The following ASCC1 variants were observed in gnomAD, a reference collection of about 807,000 sequenced individuals.
The protein encoded by ASCC1 is ASC-1 complex subunit P50.
ASCC1 carries 35 observed loss-of-function variants against 46.6 expected under a neutral mutation model. The observed-to-expected ratio is 0.75, with a 90% CI of 0.57 to 0.99. The LOEUF (loss-of-function observed/expected upper bound fraction) is 0.99. Ranked by LOEUF, ASCC1 falls within the 50% of genes least tolerant of loss-of-function variation. The probability of loss-of-function intolerance (pLI) is 0.00; values close to 1 mark genes in which losing one functional copy is unlikely to be tolerated. For synonymous variants in ASCC1, 143 were observed against 146.6 expected (o/e 0.98, Z 0.18); for missense variants, 376 against 428.7 (o/e 0.88, Z 1.09).
intron 5 of ASCC1, among the ~76,000 whole-genome samples, chr10:72,176,691 A>C (rs1851896105): frequency 1.3e-5 from 2 of 152,092 alleles, no homozygotes; most frequent in Non-Finnish European, 2.9e-5. Context: ...CAAAATCCTT[A>C]ACCCACACAA....
intron 5 of ASCC1, among the ~76,000 whole-genome samples, chr10:72,184,495 AAAG>A (rs1263782692): frequency 4.6e-5 from 7 of 152,192 alleles, no homozygotes; most frequent in East Asian, 1.9e-4. Flanking sequence ...ACACTAATCA[AAAG>A]AAGGTTAGAA....
rs570697074 is a variant in ASCC1, at chr10:72,189,305, G to A, written c.489+7506C>T. 7.7e-4 allele frequency among the ~76,000 whole-genome samples: 117 copies of A among 152,078 alleles called. 1 individual carries two copies. The highest frequency in any genetic ancestry group is 1.4e-3 in the Non-Finnish European group (93 of 67,970). On this transcript the variant is annotated intron_variant, in intron 5 of 9. Coordinates refer to ENST00000672957, the MANE Select transcript of ASCC1 (RefSeq NM_001198800.3). ...CGCCTGTGGTCCCAGCTACTCGGGA[G>A]GCTGAGGCAGGAGAATGGCGCAAAC...
At chr10:72,174,625 T>A (rs147485328) in intron 5 of ASCC1, among the ~76,000 whole-genome samples, 109 of 152,320 alleles carry the variant, frequency 7.2e-4, no homozygotes, top group African/African-American at 2.2e-3. Context: ...TCTGCCTTGG[T>A]GGTACATGCC....
intron 5 of ASCC1, among the ~76,000 whole-genome samples, chr10:72,170,075 G>A (rs754272852): frequency 6.6e-6 from 1 of 151,754 alleles, no homozygotes; most frequent in Admixed American, 6.6e-5. Flanking sequence ...AGACAAGATC[G>A]TGCCATTGCA....
chr10:72,214,358 A>G (rs1217953507), intron 1 of ASCC1, among the ~76,000 whole-genome samples: 2 of 149,970 alleles, frequency 1.3e-5, no homozygotes, highest in African/African-American at 4.9e-5. Context: ...AACCATTTGC[A>G]CAATATCTCT....
At chr10:72,207,815 A>T (rs1419814382) in intron 3 of ASCC1, among the ~76,000 whole-genome samples, 3 of 146,440 alleles carry the variant, frequency 2.0e-5, no homozygotes, top group South Asian at 2.2e-4. Flanking sequence ...AAATCTTAGT[A>T]TTTTTTTTTT....
At chr10:72,166,299 GGTTT>G (rs1306752225) in intron 5 of ASCC1, among the ~76,000 whole-genome samples, 1 of 152,148 alleles carries the variant, frequency 6.6e-6, no homozygotes, top group Non-Finnish European at 1.5e-5. Context: ...AAAGGAAAGT[GGTTT>G]TAACATCTGC....
chr10:72,136,889 G>A (rs1246295711), intron 7 of ASCC1, among the ~76,000 whole-genome samples: 1 of 151,846 alleles, frequency 6.6e-6, no homozygotes, highest in Non-Finnish European at 1.5e-5. Flanking sequence ...AAGTCAGCAA[G>A]ACCACGAACC....
At chr10:72,176,971 A>C (rs1402579240) in intron 5 of ASCC1, among the ~76,000 whole-genome samples, 1 of 151,774 alleles carries the variant, frequency 6.6e-6, no homozygotes, top group Non-Finnish European at 1.5e-5. Flanking sequence ...CACTGCACTT[A>C]TCTAGTAGCA....
upstream of ASCC1, chr10:72,216,840 G>A: frequency 4.4e-6 from 2 of 456,134 alleles, no homozygotes; most frequent in South Asian, 1.5e-5. Flanking sequence ...CCAAGTCCCA[G>A]GATACTTCAT....
chr10:72,126,889 CAT>C (rs1201203546), intron 9 of ASCC1, among the ~76,000 whole-genome samples: 1 of 152,124 alleles, frequency 6.6e-6, no homozygotes, highest in Non-Finnish European at 1.5e-5. Flanking sequence ...AAAGAGAAAA[CAT>C]ATCAAGGAAA....
At chr10:72,116,306 T>C (rs1156595306) in intron 9 of ASCC1, among the ~76,000 whole-genome samples, 1 of 152,256 alleles carries the variant, frequency 6.6e-6, no homozygotes, top group South Asian at 2.1e-4. Context: ...GTAATGTAGA[T>C]ACTGCCATTA....
chr10:72,196,197 A>C (rs889721932), intron 5 of ASCC1, among the ~76,000 whole-genome samples: 1 of 152,122 alleles, frequency 6.6e-6, no homozygotes, highest in Non-Finnish European at 1.5e-5. Flanking sequence ...GAAGATCTAC[A>C]GATAATGGCA....
intron 9 of ASCC1, among the ~76,000 whole-genome samples, chr10:72,104,281 T>C (rs1177966852): frequency 6.6e-6 from 1 of 152,184 alleles, no homozygotes; most frequent in African/African-American, 2.4e-5. Flanking sequence ...ACATGTTCTT[T>C]CACTTGCTGT....
intron 5 of ASCC1, chr10:72,190,382 G>A: frequency 6.4e-7 from 1 of 1,569,770 alleles, no homozygotes; most frequent in Non-Finnish European, 8.7e-7. Flanking sequence ...AGTCCATAAA[G>A]CTATCAGAAG....
intron 7 of ASCC1, among the ~76,000 whole-genome samples, chr10:72,151,808 C>G (rs1848372445): frequency 6.6e-6 from 1 of 151,382 alleles, no homozygotes; most frequent in Non-Finnish European, 1.5e-5. Context: ...CCTGCCTCAG[C>G]CTCCCGAGTA....
At chr10:72,155,443 T>A (rs759973300) in intron 6 of ASCC1, among the ~76,000 whole-genome samples, 1 of 152,132 alleles carries the variant, frequency 6.6e-6, no homozygotes, top group Non-Finnish European at 1.5e-5. Flanking sequence ...GGGACCCTCA[T>A]GGGGTGATGG....
chr10:72,142,577 G>A (rs1294116741), intron 7 of ASCC1, among the ~76,000 whole-genome samples: 2 of 151,860 alleles, frequency 1.3e-5, no homozygotes, highest in Non-Finnish European at 2.9e-5. Context: ...ATGTTGGCCA[G>A]GCTGGTCTTG....
intron 5 of ASCC1, among the ~76,000 whole-genome samples, chr10:72,165,719 A>G (rs1479633513): frequency 6.6e-6 from 1 of 152,256 alleles, no homozygotes; most frequent in Non-Finnish European, 1.5e-5. Context: ...GCCTAATTTA[A>G]TGAAAGTGAT....
Sources: allele counts gnomAD v4.1 joint callset (sites outside exome capture counted in the v4.1 genomes callset), GRCh38; gene constraint gnomAD v4.1.1; transcripts MANE v1.5; gene names NCBI Gene and HGNC (gene_info 2026-07-23, HGNC 2026-07-21).